Variants in ATAD5 observed in about 807,000 individuals in gnomAD.
ATAD5 encodes ATPase family AAA domain-containing protein 5.
In ATAD5, 58 loss-of-function variants were observed where a neutral mutation model predicts 176.9. The ratio of observed to expected loss-of-function variants is 0.33; its 90% CI spans 0.27 to 0.41. The LOEUF is 0.41. Among genes scored for constraint, ATAD5 ranks in the 10% least tolerant of loss-of-function variants. The pLI is 1.00. For synonymous variants in ATAD5, 640 were observed against 712.6 expected (o/e 0.90, Z 1.62); for missense variants, 1,789 against 2,094.1 (o/e 0.85, Z 2.84).
intron 6 of ATAD5, among the ~76,000 whole-genome samples, chr17:30,846,622 C>T (rs1399331492): frequency 2.6e-5 from 4 of 151,884 alleles, no homozygotes. Context: ...AGGATTGTCT[C>T]GATCTCTTGA....
In ATAD5 at chr17:30,869,375, G is replaced by A. The variant is rs767827500; in HGVS notation, c.3441G>A (p.Gln1147=). The change falls in exon 13 of 23, where the codon CAG becomes CAA. Residue 1147 remains glutamine (Q), a synonymous_variant. Coordinates refer to ENST00000321990, the MANE Select transcript of ATAD5 (RefSeq NM_024857.5). The part of the protein sequence containing the change: ...GKTAAVYACA[Q]ELGFKIFEVN... ...CTGCTGCAGTGTATGCTTGTGCCCAGGAGCTTGGATTTAAGGTTAGTAACA... is the reference window on the plus strand; with the variant it reads ...CTGCTGCAGTGTATGCTTGTGCCCAAGAGCTTGGATTTAAGGTTAGTAACA... 6.2e-7 allele frequency: 1 copy of A among 1,613,204 alleles called. No homozygotes were observed. The highest frequency in any genetic ancestry group is 8.5e-7 in the Non-Finnish European group (1 of 1,179,864).
At chr17:30,875,617 C>T (rs2142413161) in intron 14 of ATAD5, among the ~76,000 whole-genome samples, 1 of 151,792 alleles carries the variant, frequency 6.6e-6, no homozygotes, top group East Asian at 1.9e-4. Context: ...GACAACATGG[C>T]AAAACCCATC....
At chr17:30,892,425 T>TAAA (rs67654723) in intron 19 of ATAD5, among the ~76,000 whole-genome samples, 182 bp from the exon 20 acceptor site, 165 of 133,266 alleles carry the variant, frequency 1.2e-3, no homozygotes, top group Non-Finnish European at 2.1e-3. Flanking sequence ...ACTCTGTCTT[T>TAAA]AAAAAAAAAA....
At chr17:30,840,133 G>T (rs990436781) in intron 3 of ATAD5, among the ~76,000 whole-genome samples, 2 of 150,016 alleles carry the variant, frequency 1.3e-5, no homozygotes, top group Non-Finnish European at 3.0e-5. Flanking sequence ...GGGAGGCAGA[G>T]GTTGCACTGA....
At position 30,832,163 on chromosome 17, in the gene ATAD5, G is replaced by T; in HGVS notation, c.-185G>T. The T allele has an allele frequency of 2.4e-6, 1 of 412,264 alleles. No homozygotes were observed. The highest frequency in any genetic ancestry group is 9.1e-5 in the South Asian group (1 of 11,024). 25.5% of individuals were successfully genotyped at this position (412,264 alleles called of 1,614,324 possible). ...TTTCTCATTGCCTCTTTCCGTGTTC[G>T]ATTCGGCTGATCTGGGCCCAGCCTC... On this transcript the variant is annotated 5_prime_UTR_variant, in exon 1 of 23. Transcript: ENST00000321990.
intron 7 of ATAD5, among the ~76,000 whole-genome samples, chr17:30,855,723 A>G (rs1171560221): frequency 1.3e-5 from 2 of 152,102 alleles, no homozygotes; most frequent in East Asian, 3.9e-4. Flanking sequence ...GCTGGGCATG[A>G]CGGTGTATGC....
At position 30,844,009 on chromosome 17, in the gene ATAD5, A is replaced by G. The variant is rs775136261; in HGVS notation, c.2338A>G (p.Lys780Glu). Residue 780 changes from lysine (K) to glutamate (E), a missense_variant, in exon 5 of 23, where the codon AAA becomes GAA. Lys to Glu is a moderately conservative substitution (Grantham distance 56). This residue lies in a region of ATAD5 where 487 missense variants were observed against 573.6 expected (regional missense o/e 0.85). Coordinates refer to ENST00000321990, the MANE Select transcript of ATAD5 (RefSeq NM_024857.5). Reference protein sequence around the residue: ...LQCLNDVLGKKLNTSTKNVPG... With the variant: ...LQCLNDVLGKELNTSTKNVPG... ...GTGTTTGAATGATGTGCTAGGAAAAAAACTTAACACATCCACTAAAAATGT... is the reference window on the plus strand; with the variant it reads ...GTGTTTGAATGATGTGCTAGGAAAAGAACTTAACACATCCACTAAAAATGT... The G allele has an allele frequency of 6.4e-7, 1 of 1,556,562 alleles. No homozygotes were observed. Among genetic ancestry groups the G allele is most frequent in the Non-Finnish European group, 8.7e-7 (1 of 1,155,248 alleles).
chr17:30,859,685 C>T (rs995989798), intron 9 of ATAD5, among the ~76,000 whole-genome samples: 4 of 150,702 alleles, frequency 2.7e-5, no homozygotes, highest in African/African-American at 7.3e-5. Context: ...TTAAGAGACA[C>T]GGTCTCACTT....
At position 30,834,718 on chromosome 17, in the gene ATAD5, G is replaced by T; in HGVS notation, c.637G>T (p.Val213Leu). Residue 213 changes from valine (V) to leucine (L), a missense_variant, in exon 2 of 23, where the codon GTA becomes TTA. By Grantham distance (32) the Val-to-Leu change is conservative. Transcript: ENST00000321990. ...GTTGAGAAAAAGGAAATGCAGAGAT[G>T]TAGTAGATCTATCTGAAAGCTTACC... ...KKLRKRKCRD[V>L]VDLSESLPLA... 6.2e-7 allele frequency: 1 copy of T among 1,613,426 alleles called. No homozygotes were observed. Among genetic ancestry groups the T allele is most frequent in the Non-Finnish European group, 8.5e-7 (1 of 1,179,772 alleles).
At chr17:30,836,997 A>G (rs1385260351) in intron 2 of ATAD5, among the ~76,000 whole-genome samples, 15 of 151,926 alleles carry the variant, frequency 9.9e-5, no homozygotes, top group Admixed American at 5.9e-4. Context: ...ATGCATCTCT[A>G]TCTATCTCTC....
intron 6 of ATAD5, among the ~76,000 whole-genome samples, chr17:30,853,082 G>A (rs1200984995): frequency 6.6e-6 from 1 of 151,788 alleles, no homozygotes; most frequent in Non-Finnish European, 1.5e-5. Context: ...TAGAGATGGG[G>A]TTTCGCCATG....
At chr17:30,894,225 A>G in intron 21 of ATAD5, 75 bp downstream of exon 21, 1 of 1,255,262 alleles carries the variant, frequency 8.0e-7, no homozygotes, top group Non-Finnish European at 1.1e-6. Flanking sequence ...TTTTTTCTTA[A>G]TTTAAAAATG....
At position 30,894,693 on chromosome 17, in the gene ATAD5, G is replaced by A; in HGVS notation, c.5427G>A (p.Lys1809=). ...PTLRNICKTE[K]LKEQGKSKRR... ...TTCGAAACATCTGTAAGACTGAGAA[G>A]CTAAAAGAACAAGGAAAAAGTAAAA... Residue 1809 remains lysine, a synonymous_variant, in exon 22 of 23, where the codon AAG becomes AAA. Coordinates refer to ENST00000321990, the MANE Select transcript of ATAD5 (RefSeq NM_024857.5). The A allele has an allele frequency of 6.2e-7, 1 of 1,609,900 alleles. No homozygotes were observed. Among genetic ancestry groups the A allele is most frequent in the East Asian group, 2.2e-5 (1 of 44,790 alleles).
At chr17:30,888,161 ACT>A (rs750140985) in intron 19 of ATAD5, among the ~76,000 whole-genome samples, 3 of 152,038 alleles carry the variant, frequency 2.0e-5, no homozygotes, top group Non-Finnish European at 4.4e-5. Flanking sequence ...AATTAAAAAA[ACT>A]CTGTGCTATG....
Position 30,893,617 on chromosome 17 carries a change from A to G in ATAD5, c.4764A>G (p.Gln1588=), listed in dbSNP as rs139528614. The change falls in exon 21 of 23, where the codon CAA becomes CAG. Residue 1588 remains glutamine (Q), a synonymous_variant. Transcript: ENST00000321990. Reference sequence around the variant, plus strand: ...ACACTGACTTGGACTTTCCTGATCAATCTATTAGCCTGTCCTCTGTATCAT... The same window carrying G: ...ACACTGACTTGGACTTTCCTGATCAGTCTATTAGCCTGTCCTCTGTATCAT... ...LFDTDLDFPD[Q]SISLSSVSSS... The G allele has an allele frequency of 4.3e-6, 7 of 1,613,990 alleles. No individual in the cohort carries two copies. Among genetic ancestry groups the G allele is most frequent in the South Asian group, 2.2e-5 (2 of 91,070 alleles).
chr17:30,834,682 G>T lies in ATAD5; in HGVS notation c.601G>T (p.Asp201Tyr). The T allele has an allele frequency of 6.2e-7, 1 of 1,609,882 alleles. No homozygotes were observed. Among genetic ancestry groups the T allele is most frequent in the South Asian group, 1.1e-5 (1 of 89,664 alleles). The part of the protein sequence containing the change: ...VNPKQGTTKN[D>Y]FKKLRKRKCR... ...TCCTAAACAAGGGACCACAAAAAAT[G>T]ACTTCAAAAAGTTGAGAAAAAGGAA... Residue 201 changes from aspartate to tyrosine, a missense_variant, in exon 2 of 23, where the codon GAC becomes TAC. Physicochemically the swap from Asp to Tyr is radical, Grantham distance 160 (BLOSUM62 -3). Coordinates refer to ENST00000321990, the MANE Select transcript of ATAD5 (RefSeq NM_024857.5).
Position 30,835,592 on chromosome 17 carries a change from AAAC to A in ATAD5, c.1515_1517del (p.Thr506del), listed in dbSNP as rs1437123509. Reference sequence around the variant, plus strand: ...AGAGAGGGAAACACTCAAAAGAAAGAAACAACCTTTTTCTTAAAAGAGAAACAA... The same window carrying A: ...AGAGAGGGAAACACTCAAAAGAAAGAAACCTTTTTCTTAAAAGAGAAACAA... On this transcript the variant is annotated inframe_deletion, in exon 2 of 23. Transcript: ENST00000321990. The A allele has an allele frequency of 6.2e-7, 1 of 1,612,296 alleles. No individual in the cohort carries two copies. The highest frequency in any genetic ancestry group is 1.1e-5 in the South Asian group (1 of 90,656).
rs1304905234 is a variant in ATAD5, at chr17:30,840,669, C to G, written c.2129C>G (p.Ala710Gly). The change falls in exon 4 of 23, where the codon GCA (alanine) becomes GGA (glycine). Residue 710 changes from alanine (A) to glycine (G), a missense_variant. By Grantham distance (60) the Ala-to-Gly change is moderately conservative (BLOSUM62 0). Around this residue, in one of 6 missense-constraint regions of ATAD5, gnomAD observed 487 missense variants for 573.6 expected, o/e 0.85. Transcript: ENST00000321990. ...ISKAKQLIEK[A>G]KALHISRSKV... ...AAAGCAAAACAATTGATTGAAAAAGCAAAAGCTTTACACATCAGTAGGTCA... is the reference window on the plus strand; with the variant it reads ...AAAGCAAAACAATTGATTGAAAAAGGAAAAGCTTTACACATCAGTAGGTCA... The G allele has an allele frequency of 6.9e-6, 11 of 1,587,800 alleles. No homozygotes were observed. Among genetic ancestry groups the G allele is most frequent in the Non-Finnish European group, 9.4e-6 (11 of 1,168,488 alleles).
intron 14 of ATAD5, among the ~76,000 whole-genome samples, chr17:30,875,458 A>G (rs929645913): frequency 5.9e-5 from 9 of 152,124 alleles, no homozygotes; most frequent in African/African-American, 2.2e-4. Context: ...AAGCAGGTGT[A>G]GAAAAAAATG....
Sources: allele counts gnomAD v4.1 joint callset (sites outside exome capture counted in the v4.1 genomes callset), GRCh38; gene constraint gnomAD v4.1.1; regional missense constraint gnomAD v4.1.1; transcripts MANE v1.5; gene names NCBI Gene and HGNC (gene_info 2026-07-23, HGNC 2026-07-21).